Variants in AGBL4 observed in about 807,000 individuals in gnomAD.
AGBL4 encodes the protein AGBL carboxypeptidase 4.
AGBL4 carries 58 observed loss-of-function variants against 66.4 expected under a neutral mutation model. The ratio of observed to expected loss-of-function variants is 0.87; its 90% confidence interval spans 0.71 to 1.09. The LOEUF (loss-of-function observed/expected upper bound fraction) is 1.09, where lower values mean the gene tolerates loss of function less well. Ranked by LOEUF, AGBL4 falls within the 50% of genes least tolerant of loss-of-function variation. The probability of loss-of-function intolerance (pLI) is 0.00; values close to 1 mark genes in which losing one functional copy is unlikely to be tolerated. For synonymous variants in AGBL4, 234 were observed against 222.9 expected (o/e 1.05, Z -0.44); for missense variants, 579 against 631.0 (o/e 0.92, Z 0.88).
At chr1:49,736,603 C>A (rs990931107) in intron 2 of AGBL4, among the ~76,000 whole-genome samples, 4 of 152,022 alleles carry the variant, frequency 2.6e-5, no homozygotes, top group Non-Finnish European at 5.9e-5. Flanking sequence ...CGACATCAAC[C>A]TTGACAATGA....
chr1:49,478,443 T>C (rs1272179747), intron 3 of AGBL4, among the ~76,000 whole-genome samples: 1 of 152,014 alleles, frequency 6.6e-6, no homozygotes, highest in Non-Finnish European at 1.5e-5. Context: ...GCATGACATA[T>C]TTAATGCTCT....
rs1030354702 is a variant in AGBL4, at chr1:49,687,821, G to C, written c.282+9492C>G. Reference sequence around the variant, plus strand: ...AAAAAATACAAGTATGTTCATGTTTGCCACACTTACACTAAAATTGAAATA... The same window carrying C: ...AAAAAATACAAGTATGTTCATGTTTCCCACACTTACACTAAAATTGAAATA... On this transcript the variant is annotated intron_variant, in intron 3 of 13. Coordinates refer to ENST00000371839, the MANE Select transcript of AGBL4 (RefSeq NM_032785.4). Among the ~76,000 whole-genome samples, 8 of 151,870 alleles carry C rather than the reference G, an allele frequency of 5.3e-5. No homozygotes were observed. The East Asian group carries it at 1.4e-3, about 26-fold the overall frequency.
At chr1:49,798,659 A>C (rs2147943221) in intron 2 of AGBL4, among the ~76,000 whole-genome samples, 1 of 152,188 alleles carries the variant, frequency 6.6e-6, no homozygotes, top group African/African-American at 2.4e-5. Context: ...TTAAGTTCTT[A>C]TTGCTTTCTT....
chr1:49,465,210 TACACACACACACACACACACACACAC>T (rs3054630), intron 3 of AGBL4, among the ~76,000 whole-genome samples: 2 of 116,792 alleles, frequency 1.7e-5, no homozygotes, highest in Non-Finnish European at 3.7e-5. Flanking sequence ...TACCCCTACA[TACACACACACACACACACACACACAC>T]ACACACACAC....
intron 4 of AGBL4, among the ~76,000 whole-genome samples, chr1:49,216,830 G>A (rs2148268059): frequency 6.6e-6 from 1 of 152,186 alleles, no homozygotes; most frequent in South Asian, 2.1e-4. Context: ...CCACATCTTT[G>A]TGAGATATAC....
intron 4 of AGBL4, among the ~76,000 whole-genome samples, chr1:49,114,668 C>T (rs1645479563): frequency 6.6e-6 from 1 of 152,136 alleles, no homozygotes; most frequent in Non-Finnish European, 1.5e-5. Context: ...ACATGTGACT[C>T]TTCCTTTCAT....
intron 2 of AGBL4, among the ~76,000 whole-genome samples, chr1:49,767,027 G>GAGT (rs1652782159): frequency 6.6e-6 from 1 of 152,010 alleles, no homozygotes; most frequent in Admixed American, 6.6e-5. Context: ...ACCCCACTGA[G>GAGT]AGTACTAAAA....
intron 2 of AGBL4, among the ~76,000 whole-genome samples, chr1:49,706,920 G>T (rs563402197): frequency 6.6e-6 from 1 of 152,186 alleles, no homozygotes; most frequent in East Asian, 1.9e-4. Flanking sequence ...TGTTTCTTAT[G>T]ATTTCTGTTC....
At chr1:49,144,526 TACAC>T (rs58163314) in intron 4 of AGBL4, among the ~76,000 whole-genome samples, 5,484 of 146,190 alleles carry the variant, frequency 0.038, 237 homozygotes, top group African/African-American at 0.1. Context: ...TTACCTAATC[TACAC>T]ACACACACAC....
chr1:48,791,800 T>A (rs763676683), intron 6 of AGBL4, among the ~76,000 whole-genome samples: 2 of 152,220 alleles, frequency 1.3e-5, no homozygotes, highest in Non-Finnish European at 2.9e-5. Flanking sequence ...TAGGCACTGG[T>A]GTTCATAAAA....
intron 3 of AGBL4, among the ~76,000 whole-genome samples, chr1:49,358,663 T>A (rs1382116424): frequency 2.0e-5 from 3 of 152,060 alleles, no homozygotes. Flanking sequence ...GAAAAAAAAA[T>A]GTTTATTATA....
intron 1 of AGBL4, among the ~76,000 whole-genome samples, chr1:50,005,056 G>A (rs1661030918): frequency 6.6e-6 from 1 of 152,130 alleles, no homozygotes; most frequent in Non-Finnish European, 1.5e-5. Flanking sequence ...CCGGGGAATG[G>A]GAGGAACTCA....
At chr1:49,487,563 C>T (rs570098526) in intron 3 of AGBL4, among the ~76,000 whole-genome samples, 10 of 151,968 alleles carry the variant, frequency 6.6e-5, no homozygotes, top group Middle Eastern at 3.4e-3. Flanking sequence ...GCTCTCACTC[C>T]GTCCTGCTGC....
At chr1:49,212,415 G>C (rs1648745286) in intron 4 of AGBL4, among the ~76,000 whole-genome samples, 1 of 152,088 alleles carries the variant, frequency 6.6e-6, no homozygotes, top group East Asian at 1.9e-4. Context: ...AGCTCAAATA[G>C]TCTATGATCG....
chr1:49,915,319 G>T (rs1336905308), intron 1 of AGBL4, among the ~76,000 whole-genome samples: 1 of 152,154 alleles, frequency 6.6e-6, no homozygotes, highest in Non-Finnish European at 1.5e-5. Context: ...AGGGGTCAGG[G>T]AATTCCCTTT....
At chr1:49,200,500 G>A (rs1647601880) in intron 4 of AGBL4, among the ~76,000 whole-genome samples, 1 of 152,142 alleles carries the variant, frequency 6.6e-6, no homozygotes, top group East Asian at 1.9e-4. Flanking sequence ...AGTACTACAA[G>A]ACTGCCCCTC....
chr1:49,222,241 G>T (rs1463133698), intron 4 of AGBL4, among the ~76,000 whole-genome samples: 1 of 149,130 alleles, frequency 6.7e-6, no homozygotes, highest in Non-Finnish European at 1.5e-5. Context: ...GTGACTTAAA[G>T]AAATGTAAAC....
chr1:49,658,862 G>A (rs1367906124), intron 3 of AGBL4, among the ~76,000 whole-genome samples: 1 of 151,578 alleles, frequency 6.6e-6, no homozygotes, highest in Non-Finnish European at 1.5e-5. Context: ...CTGTTGTGGG[G>A]TGGGGGAATG....
intron 6 of AGBL4, among the ~76,000 whole-genome samples, chr1:48,825,911 G>C (rs987669764): frequency 6.6e-6 from 1 of 152,120 alleles, no homozygotes; most frequent in South Asian, 2.1e-4. Flanking sequence ...GGAAGATTTA[G>C]GGGGGAAGAA....
Sources: allele counts gnomAD v4.1 joint callset (sites outside exome capture counted in the v4.1 genomes callset), GRCh38; gene constraint gnomAD v4.1.1; transcripts MANE v1.5; gene names NCBI Gene and HGNC (gene_info 2026-07-23, HGNC 2026-07-21).